The following GMPR2 variants were observed in gnomAD, a reference collection of about 807,000 sequenced individuals.
The protein encoded by GMPR2 is guanosine monophosphate reductase 2, also known as GMP reductase 2.
Under a neutral mutation model 38.5 loss-of-function variants are expected in GMPR2, and 32 were observed. The ratio of observed to expected loss-of-function variants is 0.83; its 90% CI spans 0.63 to 1.12. The LOEUF is 1.12. Ranked by LOEUF, GMPR2 falls within the 50% of genes most tolerant of loss-of-function variation. GMPR2 has a pLI of 0.00. For synonymous variants in GMPR2, 154 were observed against 151.0 expected (o/e 1.02, Z -0.15); for missense variants, 396 against 432.1 (o/e 0.92, Z 0.74).
At chr14:24,237,038 TA>T in intron 5 of GMPR2, 32 bp from the exon 6 acceptor site, 1 of 1,542,462 alleles carries the variant, frequency 6.5e-7, no homozygotes, top group Non-Finnish European at 9.0e-7. Context: ...TTTCTGGCCC[TA>T]AGGATGCTGT....
intron 3 of GMPR2, among the ~76,000 whole-genome samples, chr14:24,233,952 T>G (rs547010976): frequency 6.6e-6 from 1 of 152,334 alleles, no homozygotes; most frequent in Non-Finnish European, 1.5e-5. Context: ...ACATTAAGCA[T>G]TCACTGTTTT....
intron 3 of GMPR2, among the ~76,000 whole-genome samples, chr14:24,234,666 A>C (rs2040251257): frequency 1.3e-5 from 2 of 152,238 alleles, no homozygotes; most frequent in South Asian, 2.1e-4. Flanking sequence ...ATAAGAGCCA[A>C]GTCTTACTGT....
Position 24,235,825 on chromosome 14 carries a change from C to T in GMPR2, c.291+5C>T. 1 of 1,608,932 alleles carries T rather than the reference C, an allele frequency of 6.2e-7. No homozygotes were observed. Among genetic ancestry groups the T allele is most frequent in the Non-Finnish European group, 8.5e-7 (1 of 1,175,262 alleles). On this transcript the variant is annotated splice_donor_5th_base_variant and intron_variant, in intron 4 of 9. Transcript: ENST00000399440. Reference sequence around the variant, plus strand: ...CAGAATCCTGACTGTCTTGAGGTAACACTGGGCATACCCTGCTCCCTTCCT... The same window carrying T: ...CAGAATCCTGACTGTCTTGAGGTAATACTGGGCATACCCTGCTCCCTTCCT...
intron 8 of GMPR2, chr14:24,237,970 A>G (rs576184489): frequency 1.3e-5 from 6 of 477,542 alleles, no homozygotes; most frequent in Non-Finnish European, 2.2e-5. Context: ...TCAAATGACC[A>G]GACGATGATG....
chr14:24,232,979 T>G lies in GMPR2; in HGVS notation c.-36+2T>G. The stretch of plus-strand genomic sequence containing the variant: ...GGTAGAAGAAGGAAGTGTAGCGGGG[T>G]AAGGAATGCACCGTCAGGGTCTCTC... On this transcript the variant is annotated splice_donor_variant, in intron 1 of 9. Coordinates refer to ENST00000399440, the MANE Select transcript of GMPR2 (RefSeq NM_001002002.3). LOFTEE classifies it low-confidence loss of function (5UTR_SPLICE). 1.8e-6 allele frequency: 1 copy of G among 567,424 alleles called. No individual in the cohort carries two copies. The highest frequency in any genetic ancestry group is 3.2e-6 in the Non-Finnish European group (1 of 316,734). 35.1% of individuals were successfully genotyped at this position (567,424 alleles called of 1,614,324 possible).
chr14:24,234,142 A>T, intron 3 of GMPR2: 2 of 1,289,330 alleles, frequency 1.6e-6, no homozygotes, highest in Non-Finnish European at 2.0e-6. Flanking sequence ...ATGTGCCCCA[A>T]ATGGGATGTG....
rs1215129409 is a variant in GMPR2, at chr14:24,233,527, T to C, written c.136T>C (p.Ser46Pro). 6.2e-7 allele frequency: 1 copy of C among 1,614,106 alleles called. No homozygotes were observed. Among genetic ancestry groups the C allele is most frequent in the South Asian group, 1.1e-5 (1 of 91,082 alleles). Reference sequence around the variant, plus strand: ...ATTTCGGAACTCAAAGCAGACATACTCTGGGGTTCCCATCATTGCTGCCAA... The same window carrying C: ...ATTTCGGAACTCAAAGCAGACATACCCTGGGGTTCCCATCATTGCTGCCAA... ...FSFRNSKQTYSGVPIIAANMD... is the reference protein window; with the variant it reads ...FSFRNSKQTYPGVPIIAANMD... The change falls in exon 3 of 10, where the codon TCT becomes CCT. Residue 46 changes from serine (S) to proline (P), a missense_variant. Coordinates refer to ENST00000399440, the MANE Select transcript of GMPR2 (RefSeq NM_001002002.3).
Position 24,239,021 on chromosome 14 carries a change from G to A in GMPR2, c.*243G>A, listed in dbSNP as rs1460225493. 3.7e-5 allele frequency: 22 copies of A among 595,738 alleles called. No individual in the cohort carries two copies. Among genetic ancestry groups the A allele is most frequent in the Non-Finnish European group, 6.0e-5 (19 of 317,720 alleles). The allele number at this position is 595,738 out of a possible 1,614,324, so 36.9% of individuals were successfully genotyped here. On this transcript the variant is annotated 3_prime_UTR_variant, in exon 10 of 10. Transcript: ENST00000399440. Reference sequence around the variant, plus strand: ...AGAAAATGATGCAAGAAAATCAAATGGGAATCTGGGGACCCAACACAACAT... The same window carrying A: ...AGAAAATGATGCAAGAAAATCAAATAGGAATCTGGGGACCCAACACAACAT...
At chr14:24,234,001 C>A in intron 3 of GMPR2, 2 of 878,964 alleles carry the variant, frequency 2.3e-6, no homozygotes, top group Non-Finnish European at 3.2e-6. Flanking sequence ...AAAATCCTAA[C>A]TAGAAGATCC....
Position 24,237,574 on chromosome 14 carries a change from G to A in GMPR2, c.697+12G>A, listed in dbSNP as rs762242705. The A allele has an allele frequency of 1.1e-5, 18 of 1,611,964 alleles. No homozygotes were observed. The highest frequency in any genetic ancestry group is 2.2e-5 in the South Asian group (2 of 91,060). On this transcript the variant is annotated intron_variant, in intron 8 of 9. Coordinates refer to ENST00000399440, the MANE Select transcript of GMPR2 (RefSeq NM_001002002.3). ...GGCCAAGGCTTTTGGTAAGGAGCTT[G>A]AGGGCACAGAAGGATGATTCTATAC... is the stretch of plus-strand genomic sequence containing the variant.
intron 3 of GMPR2, chr14:24,234,135 T>C: frequency 1.6e-6 from 2 of 1,289,482 alleles, no homozygotes; most frequent in Non-Finnish European, 2.0e-6. Flanking sequence ...TTCTGGGATG[T>C]GCCCCAAATG....
Position 24,233,024 on chromosome 14 carries a change from C to T in GMPR2, c.-36+47C>T, listed in dbSNP as rs17102191. 0.03 allele frequency: 19,345 copies of T among 646,754 alleles called. 2,641 individuals are homozygous for T. The African/African-American group carries it at 0.31, about 10-fold the overall frequency. 40.1% of individuals were successfully genotyped at this position (646,754 alleles called of 1,614,324 possible). On this transcript the variant is annotated intron_variant, in intron 1 of 9. Coordinates refer to ENST00000399440, the MANE Select transcript of GMPR2 (RefSeq NM_001002002.3). The stretch of plus-strand genomic sequence containing the variant: ...TCTCTCACAACCCTTTCCCAGCTCT[C>T]CTCCCCAACAAACAGTACCTGGGAT...
At chr14:24,238,541 C>T (rs780389200) in intron 9 of GMPR2, 48 bp from the exon 10 acceptor site, 2 of 1,613,870 alleles carry the variant, frequency 1.2e-6, no homozygotes, top group East Asian at 4.5e-5. Context: ...AGTCCCTGGG[C>T]TTAAGGAATC....
intron 3 of GMPR2, 132 bp from the exon 4 acceptor site, chr14:24,235,605 C>G: frequency 1.4e-6 from 1 of 704,678 alleles, no homozygotes; most frequent in Non-Finnish European, 2.6e-6. Flanking sequence ...AATCCCAGCT[C>G]AACCTGAGTT....
intron 8 of GMPR2, chr14:24,238,036 T>C (rs1056780302): frequency 1.9e-6 from 1 of 537,768 alleles, no homozygotes; most frequent in Admixed American, 3.4e-5. Context: ...CAGAGGCTCT[T>C]TTTTAAATCT....
chr14:24,237,508 C>T lies in GMPR2; in HGVS notation c.655-12C>T. The T allele has an allele frequency of 6.2e-7, 1 of 1,613,738 alleles. No individual in the cohort carries two copies. Among genetic ancestry groups the T allele is most frequent in the Non-Finnish European group, 8.5e-7 (1 of 1,179,762 alleles). The stretch of plus-strand genomic sequence containing the variant: ...AATCCATGTTGTATTCATAGTGCTC[C>T]TTACTTTGCAGGATGGAGGTTGCAG... On this transcript the variant is annotated splice_polypyrimidine_tract_variant and intron_variant, in intron 7 of 9. Coordinates refer to ENST00000399440, the MANE Select transcript of GMPR2 (RefSeq NM_001002002.3).
chr14:24,238,702 T>G lies in GMPR2; in HGVS notation c.971T>G (p.Leu324Arg). Residue 324 changes from leucine to arginine, a missense_variant, in exon 10 of 10, where the codon CTC becomes CGC. Coordinates refer to ENST00000399440, the MANE Select transcript of GMPR2 (RefSeq NM_001002002.3). The part of the protein sequence containing the change: ...STCTYVGAAK[L>R]KELSRRTTFI... ...TGTACCTATGTGGGAGCAGCTAAGC[T>G]CAAAGAGTTGAGCAGGAGAACTACC... 1.2e-6 allele frequency: 2 copies of G among 1,613,814 alleles called. No individual in the cohort carries two copies. The highest frequency in any genetic ancestry group is 1.7e-6 in the Non-Finnish European group (2 of 1,179,896).
upstream of GMPR2, chr14:24,232,788 G>C: frequency 4.2e-6 from 1 of 237,108 alleles, no homozygotes; most frequent in South Asian, 5.6e-5. Flanking sequence ...GATTGCACGA[G>C]GTTAGTTGCT....
Position 24,233,346 on chromosome 14 carries a change from C to A in GMPR2, c.87+6C>A. 8 of 1,613,970 alleles carry A rather than the reference C, an allele frequency of 5.0e-6. No homozygotes were observed. The highest frequency in any genetic ancestry group is 6.8e-6 in the Non-Finnish European group (8 of 1,179,886). On this transcript the variant is annotated splice_donor_region_variant and intron_variant, in intron 2 of 9. Transcript: ENST00000399440. Reference sequence around the variant, plus strand: ...CCCTTAAGTCTCGAAGTGAGGTGAGCAAGCTTCTCTACTTGCTGTTTCTTG... The same window carrying A: ...CCCTTAAGTCTCGAAGTGAGGTGAGAAAGCTTCTCTACTTGCTGTTTCTTG...
Sources: gnomAD v4.1 joint callset for allele counts (sites outside exome capture counted in the v4.1 genomes callset) on GRCh38, gnomAD v4.1.1 for gene constraint, MANE v1.5 for transcripts, NCBI Gene and HGNC (gene_info 2026-07-23, HGNC 2026-07-21) for gene names.